The following WDPCP variants were observed in gnomAD, a reference collection of about 807,000 sequenced individuals.
The protein encoded by WDPCP is WD repeat containing planar cell polarity effector, also known as WD repeat-containing and planar cell polarity effector protein fritz homolog.
Under a neutral mutation model 93.1 loss-of-function variants are expected in WDPCP, and 71 were observed. The ratio of observed to expected loss-of-function variants is 0.76; its 90% CI spans 0.63 to 0.93. WDPCP has a LOEUF of 0.93. WDPCP is among the 40% of genes least tolerant of loss of function. WDPCP has a pLI of 0.00. For synonymous variants in WDPCP, 315 were observed against 315.0 expected, an observed-to-expected ratio of 1.00 and a Z score of 0.00; for missense variants, 844 against 887.4, an observed-to-expected ratio of 0.95 and a Z score of 0.62.
intron 1 of WDPCP, among the ~76,000 whole-genome samples, chr2:63,555,908 G>GA (rs1706080217): frequency 6.6e-6 from 1 of 152,030 alleles, no homozygotes; most frequent in South Asian, 2.1e-4. Context: ...AAGAATCAGT[G>GA]AAAAAAATGC....
chr2:63,218,903 C>A (rs1174746709), intron 14 of WDPCP, among the ~76,000 whole-genome samples: 2 of 152,068 alleles, frequency 1.3e-5, no homozygotes, highest in South Asian at 2.1e-4. Context: ...TTATTAATTG[C>A]AATTTTAATT....
intron 17 of WDPCP, among the ~76,000 whole-genome samples, chr2:63,133,400 GT>G (rs1263666477): frequency 6.6e-6 from 1 of 152,198 alleles, no homozygotes; most frequent in Non-Finnish European, 1.5e-5. Context: ...AAGTTAGAAT[GT>G]TGCAAATAAG....
chr2:63,677,275 A>C (rs922171352), intron 2 of WDPCP, among the ~76,000 whole-genome samples: 7 of 152,248 alleles, frequency 4.6e-5, no homozygotes, highest in Non-Finnish European at 8.8e-5. Context: ...AGATAACATC[A>C]TTCAGGATCA....
intron 2 of WDPCP, among the ~76,000 whole-genome samples, chr2:63,677,624 GA>G (rs1462481354): frequency 1.3e-5 from 2 of 152,096 alleles, no homozygotes; most frequent in African/African-American, 4.8e-5. Flanking sequence ...ATTCCTAACA[GA>G]AATAGGAAAG....
At chr2:63,605,825 C>T in intron 3 of WDPCP, 1 of 847,554 alleles carries the variant, frequency 1.2e-6, no homozygotes, top group Middle Eastern at 2.2e-4. Flanking sequence ...GTTCCTTACA[C>T]AGTAATGATG....
In WDPCP at chr2:63,420,754, AT is replaced by A. The variant is rs890658038; in HGVS notation, c.825+12990del. Among the ~76,000 whole-genome samples, 7 of 152,190 alleles carry A rather than the reference AT, an allele frequency of 4.6e-5. No individual in the cohort carries two copies. The East Asian group carries it at 9.6e-4, about 21-fold the overall frequency. On this transcript the variant is annotated intron_variant, in intron 9 of 17. Coordinates refer to ENST00000272321, the MANE Select transcript of WDPCP (RefSeq NM_015910.7). ...TGTTATTGTATTTTGTCATACTGTA[AT>A]TTTTTTGCTCAACTTATTCTTTTCA...
chr2:63,550,177 T>C (rs1237491633), intron 1 of WDPCP, among the ~76,000 whole-genome samples: 2 of 144,990 alleles, frequency 1.4e-5, no homozygotes, highest in Admixed American at 1.5e-4. Flanking sequence ...ACTATATTTG[T>C]CTCCCATCTT....
At chr2:63,762,202 T>C (rs1047862368) in intron 2 of WDPCP, among the ~76,000 whole-genome samples, 1 of 151,664 alleles carries the variant, frequency 6.6e-6, no homozygotes, top group African/African-American at 2.4e-5. Context: ...AATGTGGGAG[T>C]CTGAATCACT....
At position 63,522,455 on chromosome 2, in the gene WDPCP, GACAC is replaced by G. The variant is rs112008719; in HGVS notation, c.76-29519_76-29516del. Among the ~76,000 whole-genome samples, 344 of 127,290 alleles carry G rather than the reference GACAC, an allele frequency of 2.7e-3. 1 individual carries two copies. Among genetic ancestry groups the G allele is most frequent in the South Asian group, 0.025 (94 of 3,786 alleles). 83.5% of individuals were successfully genotyped at this position (127,290 alleles called of 152,430 possible). On this transcript the variant is annotated intron_variant, in intron 1 of 17. Transcript: ENST00000272321. ...GGAAATCAAGACAGACAGACAGACA[GACAC>G]ACACACACACACACACACACACACA...
At chr2:63,419,641 C>A (rs986692104) in intron 9 of WDPCP, among the ~76,000 whole-genome samples, 1 of 152,178 alleles carries the variant, frequency 6.6e-6, no homozygotes, top group Middle Eastern at 3.4e-3. Context: ...ACATGATTGA[C>A]GCCAATCTCT....
At chr2:63,585,576 T>A (rs1708785137) in intron 1 of WDPCP, among the ~76,000 whole-genome samples, 1 of 152,124 alleles carries the variant, frequency 6.6e-6, no homozygotes, top group African/African-American at 2.4e-5. Context: ...CATGATCCTA[T>A]GGTAAAGTAC....
intron 3 of WDPCP, among the ~76,000 whole-genome samples, chr2:63,619,229 T>C (rs1709706143): frequency 6.6e-6 from 1 of 152,232 alleles, no homozygotes; most frequent in Non-Finnish European, 1.5e-5. Flanking sequence ...AGTTTTAAAC[T>C]GATATCAGTA....
At chr2:63,332,148 CATTCTAATAAT>C (rs1688027122) in intron 12 of WDPCP, among the ~76,000 whole-genome samples, 1 of 150,208 alleles carries the variant, frequency 6.7e-6, no homozygotes, top group Non-Finnish European at 1.5e-5. Flanking sequence ...ATGTTCCAAC[CATTCTAATAAT>C]ATTCTAATAA....
At chr2:63,757,392 C>T (rs1223392625) in intron 2 of WDPCP, among the ~76,000 whole-genome samples, 1 of 152,136 alleles carries the variant, frequency 6.6e-6, no homozygotes. Context: ...CCTTATGTAT[C>T]AGGTGAGAGA....
intron 2 of WDPCP, among the ~76,000 whole-genome samples, chr2:63,781,906 G>A (rs1670398609): frequency 6.6e-6 from 1 of 152,176 alleles, no homozygotes; most frequent in Non-Finnish European, 1.5e-5. Flanking sequence ...ATCTGAAGCA[G>A]TCAGTCCACA....
intron 3 of WDPCP, chr2:63,622,085 GGAA>G: frequency 4.0e-5 from 19 of 472,284 alleles, no homozygotes; most frequent in South Asian, 3.9e-4. Context: ...TTTTTTTTTT[GGAA>G]GTTGATTTTT....
intron 17 of WDPCP, among the ~76,000 whole-genome samples, chr2:63,138,219 T>C (rs1670783216): frequency 6.6e-6 from 1 of 151,918 alleles, no homozygotes; most frequent in Admixed American, 6.6e-5. Flanking sequence ...TTAATTATCT[T>C]TTTAGGATGA....
At chr2:63,772,965 A>G (rs369818020) in intron 2 of WDPCP, among the ~76,000 whole-genome samples, 3 of 152,234 alleles carry the variant, frequency 2.0e-5, no homozygotes, top group East Asian at 3.9e-4. Context: ...CAAGAAAAAC[A>G]AAAGTATTAG....
chr2:63,288,052 T>C (rs1575065715), intron 13 of WDPCP, among the ~76,000 whole-genome samples: 2 of 152,202 alleles, frequency 1.3e-5, no homozygotes, highest in Admixed American at 6.5e-5. Flanking sequence ...TAAGCCATCC[T>C]ACAAAAATCA....
Sources: gnomAD v4.1 joint callset for allele counts (sites outside exome capture counted in the v4.1 genomes callset) on GRCh38, gnomAD v4.1.1 for gene constraint, MANE v1.5 for transcripts, NCBI Gene and HGNC (gene_info 2026-07-23, HGNC 2026-07-21) for gene names.